STAB1: variants seen among roughly 807,000 people sequenced by gnomAD.
STAB1 encodes stabilin-1.
Under a neutral mutation model 332.4 loss-of-function variants are expected in STAB1, and 250 were observed. The ratio of observed to expected loss-of-function variants is 0.75; its 90% CI spans 0.68 to 0.84. The LOEUF is 0.84. Among genes scored for constraint, STAB1 ranks in the 40% least tolerant of loss-of-function variants. The pLI, the probability that STAB1 is intolerant of heterozygous loss-of-function variation, is 0.00. For missense variants in STAB1, 3,249 were observed against 3,489.7 expected, an observed-to-expected ratio of 0.93 and a Z score of 1.74; for synonymous variants, 1,475 against 1,390.4, an observed-to-expected ratio of 1.06 and a Z score of -1.35.
At position 52,505,719 on chromosome 3, in the gene STAB1, G is replaced by C. The variant is rs1473082264; in HGVS notation, c.1633G>C (p.Ala545Pro). The change falls in exon 15 of 69, where the codon GCC becomes CCC. Residue 545 changes from alanine (A) to proline (P), a missense_variant. Coordinates refer to ENST00000321725, the MANE Select transcript of STAB1 (RefSeq NM_015136.3). ...CGGACCTGGGCCCTTCACAGTCTTT[G>C]CCCCAAGCAATGAGGCTGTGGACAG... ...LDGPGPFTVF[A>P]PSNEAVDSLR... 3 of 1,613,758 alleles carry C rather than the reference G, an allele frequency of 1.9e-6. No individual in the cohort carries two copies. In the African/African-American group the frequency reaches 4.0e-5, roughly 22 times the overall value.
In STAB1 at chr3:52,505,744, G is replaced by A. The variant is rs761416428; in HGVS notation, c.1658G>A (p.Ser553Asn). 6.2e-7 allele frequency: 1 copy of A among 1,613,914 alleles called. No homozygotes were observed. Among genetic ancestry groups the A allele is most frequent in the Admixed American group, 1.7e-5 (1 of 60,026 alleles). ...GCCCCAAGCAATGAGGCTGTGGACAGCTTGCGTGACGGCCGCCTGATCTAC... is the reference window on the plus strand; with the variant it reads ...GCCCCAAGCAATGAGGCTGTGGACAACTTGCGTGACGGCCGCCTGATCTAC... ...VFAPSNEAVD[S>N]LRDGRLIYLF... is the part of the protein sequence containing the mutation. Residue 553 changes from serine (S) to asparagine (N), a missense_variant, in exon 15 of 69, where the codon AGC becomes AAC. By Grantham distance (46) the Ser-to-Asn change is conservative (BLOSUM62 1). Coordinates refer to ENST00000321725, the MANE Select transcript of STAB1 (RefSeq NM_015136.3).
intron 40 of STAB1, 45 bp from the exon 41 acceptor site, chr3:52,516,647 C>T (rs753927074): frequency 2.5e-5 from 40 of 1,612,242 alleles, no homozygotes; most frequent in Middle Eastern, 1.7e-4. Context: ...GGTCAAGGCA[C>T]GACTGGACAG....
In STAB1 at chr3:52,523,586, G is replaced by T. The variant is rs887521830; in HGVS notation, c.7290+10G>T. 6.2e-7 allele frequency: 1 copy of T among 1,612,514 alleles called. No homozygotes were observed. The highest frequency in any genetic ancestry group is 1.3e-5 in the African/African-American group (1 of 74,952). The stretch of plus-strand genomic sequence containing the variant: ...TTCCTGGGCCCCTGTGGTGAGTCTG[G>T]CCACTGTCCCACCCTGTTGGCCCTG... On this transcript the variant is annotated intron_variant, in intron 65 of 68. Transcript: ENST00000321725.
At chr3:52,501,476 G>A in intron 2 of STAB1, 162 bp from the exon 3 acceptor site, 1 of 1,153,434 alleles carries the variant, frequency 8.7e-7, no homozygotes, top group East Asian at 2.6e-5. Context: ...CGAGGGGCAG[G>A]AGGGGTTTAT....
intron 18 of STAB1, among the ~76,000 whole-genome samples, 181 bp from the exon 19 acceptor site, chr3:52,507,432 C>T (rs1026310031): frequency 1.3e-5 from 2 of 152,248 alleles, no homozygotes; most frequent in African/African-American, 4.8e-5. Flanking sequence ...TCCAGAGACT[C>T]TAGCTCTGCC....
Position 52,513,239 on chromosome 3 carries a change from G to C in STAB1, c.3268G>C (p.Gly1090Arg). 4 of 1,572,670 alleles carry C rather than the reference G, an allele frequency of 2.5e-6. No individual in the cohort carries two copies. Among genetic ancestry groups the C allele is most frequent in the Non-Finnish European group, 2.6e-6 (3 of 1,159,996 alleles). ...TTRWEIRNISGRVWVQNASVD... is the reference protein window; with the variant it reads ...TTRWEIRNISRRVWVQNASVD... The stretch of plus-strand genomic sequence containing the variant: ...ACGCTGGGAGATTCGCAACATTAGT[G>C]GGGTATGTGGTGAACTCTGGGCAGA... The change falls in exon 30 of 69, where the codon GGG (glycine) becomes CGG (arginine). Residue 1090 changes from glycine (G) to arginine (R), a missense_variant and splice_region_variant. Coordinates refer to ENST00000321725, the MANE Select transcript of STAB1 (RefSeq NM_015136.3).
rs2079133857 is a variant in STAB1 at position 52,523,143 on chromosome 3, G to C, written c.7020+9G>C. ...TCTCCACCTTCTATGGGGTGTGTGG[G>C]GGCCACCCTTGGGGGCGGGGGGTGC... On this transcript the variant is annotated intron_variant, in intron 63 of 68. Transcript: ENST00000321725. The C allele has an allele frequency of 6.2e-7, 1 of 1,604,676 alleles. No homozygotes were observed. Among genetic ancestry groups the C allele is most frequent in the African/African-American group, 1.3e-5 (1 of 74,882 alleles).
At chr3:52,516,898 C>T in intron 41 of STAB1, 86 bp from the exon 42 acceptor site, 5 of 1,600,108 alleles carry the variant, frequency 3.1e-6, no homozygotes, top group Non-Finnish European at 4.3e-6. Flanking sequence ...TCCCTCTGAC[C>T]TTTTCCTTTC....
At chr3:52,510,868 C>T (rs995608639) in intron 25 of STAB1, among the ~76,000 whole-genome samples, 8 of 152,238 alleles carry the variant, frequency 5.3e-5, no homozygotes, top group African/African-American at 1.4e-4. Flanking sequence ...CACGGGAGCT[C>T]GGAACCTGGA....
rs773527384 is a variant in STAB1, at chr3:52,514,755, T to A, written c.3733T>A (p.Ser1245Thr). The A allele has an allele frequency of 3.1e-6, 5 of 1,613,022 alleles. No individual in the cohort carries two copies. In the East Asian group the frequency reaches 1.1e-4, roughly 36 times the overall value. Residue 1245 changes from serine to threonine, a missense_variant, in exon 35 of 69, where the codon TCG (serine) becomes ACG (threonine). Ser to Thr is a moderately conservative substitution (Grantham distance 58). Coordinates refer to ENST00000321725, the MANE Select transcript of STAB1 (RefSeq NM_015136.3). ...EGPMLEAPGR[S>T]LIGLSGVLTV... The stretch of plus-strand genomic sequence containing the variant: ...CCCCATGCTGGAGGCCCCTGGCCGC[T>A]CGCTGATTGGTCTGTCGGGGGTCCT...
In STAB1 at chr3:52,514,124, T is replaced by C. The variant is rs546956295; in HGVS notation, c.3457T>C (p.Leu1153=). 12 of 1,613,204 alleles carry C rather than the reference T, an allele frequency of 7.4e-6. No individual in the cohort carries two copies. The African/African-American group carries it at 1.3e-4, about 18-fold the overall frequency. ...LFRELLQHHG[L]VPQIEAATAY... ...TCCACCCCATCCCTAGCACCATGGG[T>C]TGGTGCCCCAGATTGAGGCTGCCAC... The change falls in exon 33 of 69, where the codon TTG becomes CTG. Residue 1153 remains leucine (L), a synonymous_variant. Transcript: ENST00000321725.
intron 7 of STAB1, 89 bp from the exon 8 acceptor site, chr3:52,503,255 T>C (rs1578360885): frequency 6.6e-7 from 1 of 1,520,142 alleles, no homozygotes; most frequent in East Asian, 2.4e-5. Flanking sequence ...TAGGTCAACC[T>C]GCTGGCCCCG....
At chr3:52,509,362 A>T in intron 22 of STAB1, 41 bp downstream of exon 22, 1 of 1,579,980 alleles carries the variant, frequency 6.3e-7, no homozygotes. Flanking sequence ...GGGAGAAAAA[A>T]CGTCTGCCTA....
At position 52,522,135 on chromosome 3, in the gene STAB1, G is replaced by A. The variant is rs775418953; in HGVS notation, c.6370G>A (p.Glu2124Lys). 1.9e-5 allele frequency: 30 copies of A among 1,612,920 alleles called. No individual in the cohort carries two copies. The highest frequency in any genetic ancestry group is 2.2e-5 in the East Asian group (1 of 44,902). Residue 2124 changes from glutamate (E) to lysine (K), a missense_variant, in exon 59 of 69, where the codon GAG becomes AAG. Physicochemically the swap from Glu to Lys is moderately conservative, Grantham distance 56 (BLOSUM62 1). Coordinates refer to ENST00000321725, the MANE Select transcript of STAB1 (RefSeq NM_015136.3). ...CACTTGTACCTGCCTGCCCGACTAC[G>A]AGGGTGATGGCTGGAGCTGCCGGGC... is the stretch of plus-strand genomic sequence containing the variant. ...MVTCTCLPDYEGDGWSCRARN... is the reference protein window; with the variant it reads ...MVTCTCLPDYKGDGWSCRARN...
At chr3:52,501,568 A>G (rs544665281) in intron 2 of STAB1, 70 bp from the exon 3 acceptor site, 43 of 1,409,990 alleles carry the variant, frequency 3.0e-5, no homozygotes, top group Non-Finnish European at 3.8e-5. Context: ...CCGGAAGCCA[A>G]TGTGGGGAGG....
intron 55 of STAB1, 96 bp downstream of exon 55, chr3:52,521,101 C>A: frequency 4.3e-6 from 6 of 1,401,250 alleles, no homozygotes; most frequent in Non-Finnish European, 5.7e-6. Flanking sequence ...TTGGGGCGTC[C>A]AGGGCTGGGG....
In STAB1 at chr3:52,513,810, G is replaced by T. The variant is rs747392894; in HGVS notation, c.3348+16G>T. 3.7e-6 allele frequency: 6 copies of T among 1,613,350 alleles called. No individual in the cohort carries two copies. Among genetic ancestry groups the T allele is most frequent in the Middle Eastern group, 3.3e-4 (2 of 6,062 alleles). On this transcript the variant is annotated intron_variant, in intron 31 of 68. Coordinates refer to ENST00000321725, the MANE Select transcript of STAB1 (RefSeq NM_015136.3). ...CCTCAGCCAGGTACAGCAGGAGGAGGGTGTGTGCAGGGAAACTTGCAGGCA... is the reference window on the plus strand; with the variant it reads ...CCTCAGCCAGGTACAGCAGGAGGAGTGTGTGTGCAGGGAAACTTGCAGGCA...
chr3:52,520,377 T>C, intron 52 of STAB1, 23 bp from the exon 53 acceptor site: 1 of 1,612,718 alleles, frequency 6.2e-7, no homozygotes, highest in Admixed American at 1.7e-5. Flanking sequence ...GACCCTTGCA[T>C]ACCTCATATT....
rs1182032495 is a variant in STAB1, at chr3:52,524,206, C to A, written c.7649C>A (p.Pro2550His). The change falls in exon 68 of 69, where the codon CCC becomes CAC. Residue 2550 changes from proline to histidine, a missense_variant. Coordinates refer to ENST00000321725, the MANE Select transcript of STAB1 (RefSeq NM_015136.3). The part of the protein sequence containing the change: ...PVFGSDTFCE[P>H]FDDSLLEEDF... ...TTTGGCAGCGACACCTTTTGTGAAC[C>A]CTTCGATGTAAGCATGGAAGTGAAG... is the stretch of plus-strand genomic sequence containing the variant. 6.2e-7 allele frequency: 1 copy of A among 1,614,076 alleles called. No individual in the cohort carries two copies. Among genetic ancestry groups the A allele is most frequent in the South Asian group, 1.1e-5 (1 of 91,082 alleles).
Sources: allele counts gnomAD v4.1 joint callset (sites outside exome capture counted in the v4.1 genomes callset), GRCh38; gene constraint gnomAD v4.1.1; transcripts MANE v1.5; gene names NCBI Gene and HGNC (gene_info 2026-07-23, HGNC 2026-07-21).